Variants in UMODL1 observed in about 807,000 individuals in gnomAD.
UMODL1 encodes the protein uromodulin-like 1.
Under a neutral mutation model 136.3 loss-of-function variants are expected in UMODL1, and 128 were observed. That is an observed-to-expected ratio of 0.94 (90% CI 0.81 to 1.09). The LOEUF is 1.09. Ranked by LOEUF, UMODL1 falls within the 50% of genes least tolerant of loss-of-function variation. The pLI, the probability that UMODL1 is intolerant of heterozygous loss-of-function variation, is 0.00. For missense variants in UMODL1, 1,766 were observed against 1,725.6 expected (o/e 1.02, Z -0.41); for synonymous variants, 721 against 720.0 (o/e 1.00, Z -0.02).
rs748079073 is a variant in UMODL1 at position 42,123,968 on chromosome 21, G to T, written c.3147+818G>T. 6.6e-6 allele frequency among the ~76,000 whole-genome samples: 1 copy of T among 152,172 alleles called. No individual in the cohort carries two copies. The highest frequency in any genetic ancestry group is 1.5e-5 in the Non-Finnish European group (1 of 68,024). ...TGGGTTTTCCTGGCCTGAGGCCTTC[G>T]CACCTCTGTGTGCACAGATGGGCTC... On this transcript the variant is annotated intron_variant, in intron 17 of 22. Coordinates refer to ENST00000408910, the MANE Select transcript of UMODL1 (RefSeq NM_001004416.3). The surrounding 1 kb of genome is among the most constrained non-coding windows in gnomAD (Gnocchi z 4.4).
intron 4 of UMODL1, among the ~76,000 whole-genome samples, chr21:42,086,964 C>T (rs1361799469): frequency 6.6e-6 from 1 of 152,146 alleles, no homozygotes; most frequent in Non-Finnish European, 1.5e-5. Context: ...AGACTCTTGT[C>T]TCTAAATAAA....
intron 21 of UMODL1, among the ~76,000 whole-genome samples, chr21:42,134,769 C>A (rs998100862): frequency 7.0e-6 from 1 of 143,730 alleles, no homozygotes; most frequent in African/African-American, 2.5e-5. Flanking sequence ...CGCGCACTAC[C>A]AAGTCTGGCT....
intron 5 of UMODL1, among the ~76,000 whole-genome samples, chr21:42,088,821 A>G (rs2066458285): frequency 6.6e-6 from 1 of 151,596 alleles, no homozygotes. Flanking sequence ...ACTGGAGTGC[A>G]AATCCCAGAG....
chr21:42,069,229 AACACACACACAC>A (rs61712292), upstream of UMODL1, among the ~76,000 whole-genome samples: 4 of 136,402 alleles, frequency 2.9e-5, no homozygotes, highest in South Asian at 2.5e-4. Context: ...CACAGACAGA[AACACACACACAC>A]ACACACACAC....
Position 42,137,528 on chromosome 21 carries a change from ACCC to A in UMODL1, c.3866_3868del (p.Thr1289_Leu1290delinsIle). 6.2e-7 allele frequency: 1 copy of A among 1,614,094 alleles called. No homozygotes were observed. The highest frequency in any genetic ancestry group is 1.6e-4 in the Middle Eastern group (1 of 6,062). ...CTTCGTGCTGGTGGCGGGAACAGCC[ACCC>A]TTCTGATCGTGCGCTACCAGAGAAT... is the stretch of plus-strand genomic sequence containing the variant. On this transcript the variant is annotated inframe_deletion, in exon 22 of 23. Coordinates refer to ENST00000408910, the MANE Select transcript of UMODL1 (RefSeq NM_001004416.3).
At chr21:42,101,831 G>A (rs2066637842) in intron 7 of UMODL1, 1 of 433,926 alleles carries the variant, frequency 2.3e-6, no homozygotes, top group Non-Finnish European at 4.6e-6. Flanking sequence ...AGTACCTCCT[G>A]GGCCCTGTGG....
At chr21:42,089,748 A>G (rs2146449579) in intron 5 of UMODL1, among the ~76,000 whole-genome samples, 1 of 152,376 alleles carries the variant, frequency 6.6e-6, no homozygotes, top group African/African-American at 2.4e-5. Flanking sequence ...AAGAACTAAT[A>G]ATCACTCATT....
chr21:42,076,493 C>T (rs920266047), intron 2 of UMODL1, among the ~76,000 whole-genome samples: 11 of 152,148 alleles, frequency 7.2e-5, no homozygotes, highest in African/African-American at 2.4e-4. Context: ...GTGACGCTGA[C>T]GCTGCTGGCC....
chr21:42,129,344 A>AAT (rs2067103263), intron 20 of UMODL1, among the ~76,000 whole-genome samples: 1 of 151,990 alleles, frequency 6.6e-6, no homozygotes, highest in Admixed American at 6.6e-5. Context: ...AAGGGGAACA[A>AAT]ATGGCTGCAG....
At chr21:42,072,253 A>G (rs1040482346) in intron 1 of UMODL1, among the ~76,000 whole-genome samples, 1 of 152,128 alleles carries the variant, frequency 6.6e-6, no homozygotes, top group Admixed American at 6.5e-5. Flanking sequence ...GAGTTCTGAA[A>G]CCCCAGAATC....
rs2067081959 is a variant in UMODL1 at position 42,127,815 on chromosome 21, G to C, written c.3674G>C (p.Gly1225Ala). The change falls in exon 20 of 23, where the codon GGA becomes GCA. Residue 1225 changes from glycine to alanine, a missense_variant. By Grantham distance (60) the Gly-to-Ala change is moderately conservative. Transcript: ENST00000408910. The part of the protein sequence containing the change: ...CKLRVCMESP[G>A]ATCKINCNNF... ...CTCCGCGTCTGCATGGAATCCCCCG[G>C]AGCCACGTGCAAAATCGTAAGTGTT... The C allele has an allele frequency of 2.5e-6, 4 of 1,612,098 alleles. No individual in the cohort carries two copies. The South Asian group carries it at 4.4e-5, about 18-fold the overall frequency.
At chr21:42,134,908 G>A (rs889684352) in intron 21 of UMODL1, among the ~76,000 whole-genome samples, 3 of 152,144 alleles carry the variant, frequency 2.0e-5, no homozygotes, top group African/African-American at 7.2e-5. Context: ...ATAGGCGTGA[G>A]CCACCTTGCC....
chr21:42,103,546 C>A, intron 8 of UMODL1: 1 of 441,386 alleles, frequency 2.3e-6, no homozygotes, highest in Non-Finnish European at 4.5e-6. Context: ...CTCACACGCT[C>A]ACACAAATGA....
At chr21:42,107,373 G>C (rs1571735) in intron 9 of UMODL1, among the ~76,000 whole-genome samples, 25,204 of 152,128 alleles carry the variant, frequency 0.17, 2,462 homozygotes, top group Non-Finnish European at 0.21. Flanking sequence ...AGTAGGTGGA[G>C]CTGAGCTCCC....
At chr21:42,136,112 C>T (rs972621263) in intron 21 of UMODL1, among the ~76,000 whole-genome samples, 2 of 152,224 alleles carry the variant, frequency 1.3e-5, no homozygotes, top group Admixed American at 1.3e-4. Context: ...ACACGGTGGG[C>T]AGAGGGTCAC....
chr21:42,070,002 C>G (rs964162064), upstream of UMODL1, among the ~76,000 whole-genome samples: 1 of 151,962 alleles, frequency 6.6e-6, no homozygotes, highest in Non-Finnish European at 1.5e-5. Context: ...TGTACGCAGC[C>G]CCTTTGCTGT....
At chr21:42,127,950 A>G (rs2067083997) in intron 20 of UMODL1, 119 bp downstream of exon 20, 5 of 1,340,340 alleles carry the variant, frequency 3.7e-6, no homozygotes, top group African/African-American at 2.9e-5. Context: ...CTCTGGGAGG[A>G]GTCGCTGTGC....
At chr21:42,120,736 T>C (rs2066959239) in intron 15 of UMODL1, 1 of 200,310 alleles carries the variant, frequency 5.0e-6, no homozygotes, top group East Asian at 1.1e-4. Context: ...CTGCCCAGGG[T>C]TGGGCTTGCA....
In UMODL1 at chr21:42,104,027, C is replaced by A; in HGVS notation, c.1459C>A (p.Leu487Ile). 6.2e-7 allele frequency: 1 copy of A among 1,613,984 alleles called. No homozygotes were observed. The highest frequency in any genetic ancestry group is 8.5e-7 in the Non-Finnish European group (1 of 1,180,034). The change falls in exon 9 of 23, where the codon CTC becomes ATC. Residue 487 changes from leucine (L) to isoleucine (I), a missense_variant. Transcript: ENST00000408910. ...PMGISTLAPI[L>I]QPLLASTVFQ... ...GGGCATCTCCACGCTGGCCCCCATA[C>A]TCCAGCCCCTGTTGGCAAGCACAGT...
Sources: gnomAD v4.1 joint callset for allele counts (sites outside exome capture counted in the v4.1 genomes callset) on GRCh38, gnomAD v4.1.1 for gene constraint, Gnocchi (gnomAD v3.1) non-coding constraint, MANE v1.5 for transcripts, NCBI Gene and HGNC (gene_info 2026-07-23, HGNC 2026-07-21) for gene names.